The following FRMD3 variants were observed in gnomAD, a reference collection of about 807,000 sequenced individuals.
FRMD3 encodes FERM domain containing 3.
FRMD3 carries 33 observed loss-of-function variants against 70.2 expected under a neutral mutation model. The ratio of observed to expected loss-of-function variants is 0.47; its 90% CI spans 0.36 to 0.63. The LOEUF is 0.63. FRMD3 is among the 20% of genes least tolerant of loss of function. The pLI is 0.00. For missense variants in FRMD3, 632 were observed against 711.4 expected, an observed-to-expected ratio of 0.89 and a Z score of 1.27; for synonymous variants, 279 against 255.9, an observed-to-expected ratio of 1.09 and a Z score of -0.86.
At chr9:83,535,867 G>A (rs994786567) in intron 1 of FRMD3, among the ~76,000 whole-genome samples, 1 of 152,168 alleles carries the variant, frequency 6.6e-6, no homozygotes, top group African/African-American at 2.4e-5. Context: ...AAGGAAGGAA[G>A]CAAACACAGA....
intron 1 of FRMD3, among the ~76,000 whole-genome samples, chr9:83,452,512 C>T (rs1231584200): frequency 1.3e-5 from 2 of 151,942 alleles, no homozygotes; most frequent in Non-Finnish European, 2.9e-5. Flanking sequence ...GACGGAGTCT[C>T]GCTCCGTCGC....
chr9:83,514,995 A>T (rs1035116321), intron 1 of FRMD3, among the ~76,000 whole-genome samples: 1 of 152,222 alleles, frequency 6.6e-6, no homozygotes, highest in East Asian at 1.9e-4. Flanking sequence ...AGATAAATCC[A>T]TGAAGAAGAG....
chr9:83,551,528 T>A, the FRMD3 span, among the ~76,000 whole-genome samples: 1 of 152,190 alleles, frequency 6.6e-6, no homozygotes, highest in Non-Finnish European at 1.5e-5. Context: ...CTCAATTTTT[T>A]GGAATAGTTT....
At chr9:83,408,527 G>A (rs1410475084) in intron 1 of FRMD3, among the ~76,000 whole-genome samples, 2 of 152,196 alleles carry the variant, frequency 1.3e-5, no homozygotes, top group African/African-American at 2.4e-5. Flanking sequence ...ACAACCCCCA[G>A]GTGGGGGAAA....
intron 1 of FRMD3, among the ~76,000 whole-genome samples, chr9:83,393,314 A>C (rs183790361): frequency 6.6e-6 from 1 of 152,300 alleles, no homozygotes; most frequent in East Asian, 1.9e-4. Flanking sequence ...CTATAAGCCA[A>C]TGCTAGCCAA....
chr9:83,490,803 C>CAA (rs1828806270), intron 1 of FRMD3, among the ~76,000 whole-genome samples: 1 of 128,296 alleles, frequency 7.8e-6, no homozygotes, highest in Non-Finnish European at 1.6e-5. Flanking sequence ...CTCTCTCACA[C>CAA]ACACACACAC....
chr9:83,382,953 T>C (rs1216179003), intron 2 of FRMD3, among the ~76,000 whole-genome samples: 2 of 152,188 alleles, frequency 1.3e-5, no homozygotes, highest in African/African-American at 4.8e-5. Context: ...ACTTATCACT[T>C]TTCCCCCAAA....
At chr9:83,327,126 T>C (rs1836049645) in intron 6 of FRMD3, among the ~76,000 whole-genome samples, 1 of 152,196 alleles carries the variant, frequency 6.6e-6, no homozygotes, top group Non-Finnish European at 1.5e-5. Context: ...TGGTTCCCTC[T>C]GACCCATCTG....
At chr9:83,378,693 TTATATATAA>T (rs1418216750) in intron 2 of FRMD3, among the ~76,000 whole-genome samples, 1 of 115,756 alleles carries the variant, frequency 8.6e-6, no homozygotes, top group African/African-American at 3.4e-5. Flanking sequence ...AATTTATATA[TTATATATAA>T]TATGTATACT....
intron 6 of FRMD3, chr9:83,331,981 T>G: frequency 1.5e-6 from 1 of 689,430 alleles, no homozygotes; most frequent in South Asian, 1.6e-5. Context: ...CAGGGCTCTT[T>G]TCCTTGTGGC....
In FRMD3 at chr9:83,507,736, A is replaced by ATATATATC. The variant is rs1554713917; in HGVS notation, c.147+30348_147+30349insGATATATA. ...TATATATATATATATATATATATAT[A>ATATATATC]TATCTTCTGGAATATTTCCTGAAGG... On this transcript the variant is annotated intron_variant, in intron 1 of 13. Transcript: ENST00000304195. 1.6e-3 allele frequency among the ~76,000 whole-genome samples: 140 copies of ATATATATC among 88,680 alleles called. 5 individuals carry two copies. Among genetic ancestry groups the ATATATATC allele is most frequent in the South Asian group, 3.0e-3 (7 of 2,360 alleles). 58.2% of individuals were successfully genotyped at this position (88,680 alleles called of 152,430 possible). A position where few individuals can be genotyped will look rare whatever the true frequency, so the allele number is the denominator to read the frequency against.
intron 2 of FRMD3, among the ~76,000 whole-genome samples, chr9:83,377,879 C>T (rs1198947914): frequency 6.6e-6 from 1 of 152,212 alleles, no homozygotes; most frequent in East Asian, 1.9e-4. Context: ...TAAAAAAAGA[C>T]GGCTAATGTC....
chr9:83,307,215 A>G (rs1365652793), intron 10 of FRMD3, among the ~76,000 whole-genome samples: 1 of 152,230 alleles, frequency 6.6e-6, no homozygotes, highest in Admixed American at 6.5e-5. Flanking sequence ...GTTTCATTCA[A>G]GAAAGAACAG....
chr9:83,474,524 T>C (rs1055400401), intron 1 of FRMD3, among the ~76,000 whole-genome samples: 7 of 152,162 alleles, frequency 4.6e-5, no homozygotes, highest in South Asian at 2.1e-4. Context: ...CACGTTTAAA[T>C]GACACCTGTT....
chr9:83,400,622 G>A (rs979372992), intron 1 of FRMD3, among the ~76,000 whole-genome samples: 4 of 152,132 alleles, frequency 2.6e-5, no homozygotes, highest in Admixed American at 1.3e-4. Flanking sequence ...ATGCTACCCA[G>A]CTTCAAGACT....
At chr9:83,326,964 T>C (rs1217822783) in intron 6 of FRMD3, among the ~76,000 whole-genome samples, 1 of 152,226 alleles carries the variant, frequency 6.6e-6, no homozygotes, top group African/African-American at 2.4e-5. Flanking sequence ...TTGATCCTCC[T>C]TTAGCATACC....
chr9:83,542,223 A>C, upstream of FRMD3, among the ~76,000 whole-genome samples: 1 of 152,216 alleles, frequency 6.6e-6, no homozygotes, highest in East Asian at 1.9e-4. Context: ...TTTACCAAAA[A>C]ATATGCCTAA....
chr9:83,482,360 G>A (rs1456985438), intron 1 of FRMD3, among the ~76,000 whole-genome samples: 2 of 152,188 alleles, frequency 1.3e-5, no homozygotes, highest in Non-Finnish European at 2.9e-5. Flanking sequence ...CTGTCTGTCA[G>A]GTGGTCAACA....
intron 6 of FRMD3, among the ~76,000 whole-genome samples, chr9:83,319,865 G>A (rs1000128851): frequency 6.6e-6 from 1 of 152,156 alleles, no homozygotes; most frequent in Non-Finnish European, 1.5e-5. Context: ...TAATTGTGAG[G>A]CCTCCCAAGC....
Sources: allele counts gnomAD v4.1 joint callset (sites outside exome capture counted in the v4.1 genomes callset), GRCh38; gene constraint gnomAD v4.1.1; transcripts MANE v1.5; gene names NCBI Gene and HGNC (gene_info 2026-07-23, HGNC 2026-07-21).